The following LAMA4 variants were observed in gnomAD, a reference collection of about 807,000 sequenced individuals.
LAMA4 encodes laminin subunit alpha-4.
In LAMA4, 127 loss-of-function variants were observed where a neutral mutation model predicts 207.1. The ratio of observed to expected loss-of-function variants is 0.61; its 90% CI spans 0.53 to 0.71. The LOEUF (loss-of-function observed/expected upper bound fraction) is 0.71. LAMA4 is among the 30% of genes least tolerant of loss of function. The pLI, the probability that LAMA4 is intolerant of heterozygous loss-of-function variation, is 0.00. For synonymous variants in LAMA4, 761 were observed against 816.0 expected (o/e 0.93, Z 1.15); for missense variants, 2,093 against 2,246.5 (o/e 0.93, Z 1.38).
chr6:112,142,019 A>G, intron 20 of LAMA4, 100 bp downstream of exon 20: 1 of 1,144,760 alleles, frequency 8.7e-7, no homozygotes, highest in Non-Finnish European at 1.3e-6. Context: ...CAGAATGGGC[A>G]TTGTTTTGGT....
rs782231948 is a variant in LAMA4 at position 112,121,986 on chromosome 6, A to T, written c.4475+28T>A. ...GATGGAGCCCAGCCATGTCATTAGGAGTCTAGGAGTATAGTGTGTTACTTT... is the reference window on the plus strand; with the variant it reads ...GATGGAGCCCAGCCATGTCATTAGGTGTCTAGGAGTATAGTGTGTTACTTT... On this transcript the variant is annotated intron_variant, in intron 32 of 38. Coordinates refer to ENST00000230538, the MANE Select transcript of LAMA4 (RefSeq NM_001105206.3). 8 of 1,588,866 alleles carry T rather than the reference A, an allele frequency of 5.0e-6. No individual in the cohort carries two copies. In the Middle Eastern group the frequency reaches 8.3e-4, roughly 164 times the overall value.
chr6:112,175,028 A>C (rs1194139760), intron 11 of LAMA4, among the ~76,000 whole-genome samples: 3 of 152,314 alleles, frequency 2.0e-5, no homozygotes, highest in Non-Finnish European at 4.4e-5. Flanking sequence ...GGTTTCCTTT[A>C]GTCTTCCTTC....
intron 4 of LAMA4, among the ~76,000 whole-genome samples, chr6:112,202,259 C>T (rs1213255287): frequency 6.6e-6 from 1 of 152,174 alleles, no homozygotes; most frequent in Non-Finnish European, 1.5e-5. Context: ...ATGGAACCCT[C>T]TCTCTTTCTT....
At chr6:112,144,482 G>A in intron 19 of LAMA4, among the ~76,000 whole-genome samples, 1 of 152,180 alleles carries the variant, frequency 6.6e-6, no homozygotes, top group Admixed American at 6.5e-5. Context: ...TGCTATATTA[G>A]CTTTATTGAC....
intron 2 of LAMA4, among the ~76,000 whole-genome samples, chr6:112,227,129 T>C (rs1298413387): frequency 6.6e-6 from 1 of 151,946 alleles, no homozygotes; most frequent in Admixed American, 6.6e-5. Flanking sequence ...TGGAGTGCAG[T>C]GGCATGATCT....
At chr6:112,179,095 A>G (rs1283544535) in intron 9 of LAMA4, 1 of 152,164 alleles carries the variant, frequency 6.6e-6, no homozygotes. Flanking sequence ...TTGTGTACAA[A>G]TAACTGCTCA....
At chr6:112,253,926 A>T in intron 2 of LAMA4, 30 bp downstream of exon 2, 1 of 1,610,794 alleles carries the variant, frequency 6.2e-7, no homozygotes. Flanking sequence ...CAGGTGCCCC[A>T]GCAGGGTGGC....
chr6:112,117,610 T>C lies in LAMA4; in HGVS notation c.4981+129A>G. 1 of 862,994 alleles carries C rather than the reference T, an allele frequency of 1.2e-6. No individual in the cohort carries two copies. Among genetic ancestry groups the C allele is most frequent in the Non-Finnish European group, 1.9e-6 (1 of 520,444 alleles). The allele number at this position is 862,994 out of a possible 1,614,324, so 53.5% of individuals were successfully genotyped here. On this transcript the variant is annotated intron_variant, in intron 35 of 38. Transcript: ENST00000230538. The surrounding 1 kb of genome is among the most constrained non-coding windows in gnomAD (Gnocchi z 4.5). ...GCAGGAGGGAGAAAGGTGGTTCTTG[T>C]GGGAAGAGGTCATCTTCTAGGGCTG...
intron 26 of LAMA4, among the ~76,000 whole-genome samples, chr6:112,133,757 A>T (rs570853653): frequency 9.2e-5 from 14 of 152,354 alleles, no homozygotes; most frequent in African/African-American, 3.4e-4. Context: ...TCAGTGAAAT[A>T]GATGGAGATG....
At chr6:112,143,261 T>C (rs1184818820) in intron 19 of LAMA4, among the ~76,000 whole-genome samples, 1 of 151,956 alleles carries the variant, frequency 6.6e-6, no homozygotes, top group Non-Finnish European at 1.5e-5. Context: ...TGTCCTATGT[T>C]ATCAGTTGAG....
At chr6:112,208,083 AG>A (rs1328322069) in intron 3 of LAMA4, among the ~76,000 whole-genome samples, 1 of 152,232 alleles carries the variant, frequency 6.6e-6, no homozygotes, top group Non-Finnish European at 1.5e-5. Flanking sequence ...TAGTGGTACA[AG>A]GCAAAGCCAT....
intron 17 of LAMA4, among the ~76,000 whole-genome samples, chr6:112,148,837 T>C (rs782530108): frequency 3.3e-5 from 5 of 151,798 alleles, no homozygotes; most frequent in Non-Finnish European, 7.4e-5. Flanking sequence ...GGGATGGGAT[T>C]ATAGGTGATT....
Position 112,141,067 on chromosome 6 carries a change from AAG to A in LAMA4, c.2814-147_2814-146del. 3 of 750,926 alleles carry A rather than the reference AAG, an allele frequency of 4.0e-6. 1 individual carries two copies. The South Asian group carries it at 4.9e-5, about 12-fold the overall frequency. The allele number at this position is 750,926 out of a possible 1,614,324, so 46.5% of individuals were successfully genotyped here. On this transcript the variant is annotated intron_variant, in intron 21 of 38. Transcript: ENST00000230538. ...TTACAAAATACCACAATCAATGAGAAAGAGAAGAAAGACATTCCATTTTGAAG... is the reference window on the plus strand; with the variant it reads ...TTACAAAATACCACAATCAATGAGAAAGAAGAAAGACATTCCATTTTGAAG...
Position 112,120,366 on chromosome 6 carries a change from G to A in LAMA4, c.4582C>T (p.Arg1528Cys), listed in dbSNP as rs782444195. Residue 1528 changes from arginine (R) to cysteine (C), a missense_variant, in exon 33 of 39, where the codon CGC becomes TGC. Transcript: ENST00000230538. ...CCAACATTAAACATGTAAACCAAGC[G>A]GCCATGGGCCAAAAATAGAGTCATG... ...DFMTLFLAHG[R>C]LVYMFNVGHK... The A allele has an allele frequency of 2.4e-5, 38 of 1,613,920 alleles. No homozygotes were observed. The highest frequency in any genetic ancestry group is 1.7e-4 in the Middle Eastern group (1 of 6,058).
intron 24 of LAMA4, among the ~76,000 whole-genome samples, chr6:112,138,635 T>C (rs1200507266): frequency 3.3e-5 from 5 of 152,136 alleles, no homozygotes; most frequent in African/African-American, 1.2e-4. Flanking sequence ...TAATTTGTCC[T>C]TTATTACAAG....
intron 5 of LAMA4, among the ~76,000 whole-genome samples, chr6:112,194,567 C>T (rs578080276): frequency 2.0e-5 from 3 of 152,300 alleles, no homozygotes; most frequent in African/African-American, 7.2e-5. Flanking sequence ...TTATGATAGT[C>T]CCTGACAAAC....
Position 112,117,790 on chromosome 6 carries a change from G to T in LAMA4, c.4930C>A (p.Pro1644Thr). 1 of 1,613,782 alleles carries T rather than the reference G, an allele frequency of 6.2e-7. No homozygotes were observed. Among genetic ancestry groups the T allele is most frequent in the Non-Finnish European group, 8.5e-7 (1 of 1,179,792 alleles). The change falls in exon 35 of 39, where the codon CCC becomes ACC. Residue 1644 changes from proline (P) to threonine (T), a missense_variant. Pro to Thr is a conservative substitution (Grantham distance 38). Coordinates refer to ENST00000230538, the MANE Select transcript of LAMA4 (RefSeq NM_001105206.3). The surrounding 1 kb of genome is among the most constrained non-coding windows in gnomAD (Gnocchi z 4.5). ...TFSVTPCFEG[P>T]METGTYFSTE... ...GAAAAGTAAGTTCCTGTTTCCATGGGGCCTTCAAAGCAAGGGGTCACACTG... is the reference window on the plus strand; with the variant it reads ...GAAAAGTAAGTTCCTGTTTCCATGGTGCCTTCAAAGCAAGGGGTCACACTG...
At position 112,154,842 on chromosome 6, in the gene LAMA4, G is replaced by A; in HGVS notation, c.2056+9C>T. ...ATTAGAAAGGAGATAGGAAAGTGAA[G>A]ATATTTACTAGACTCTGCCTTTGCT... is the stretch of plus-strand genomic sequence containing the variant. On this transcript the variant is annotated intron_variant, in intron 16 of 38. Coordinates refer to ENST00000230538, the MANE Select transcript of LAMA4 (RefSeq NM_001105206.3). The A allele has an allele frequency of 6.5e-7, 1 of 1,538,120 alleles. No individual in the cohort carries two copies. Among genetic ancestry groups the A allele is most frequent in the Non-Finnish European group, 9.0e-7 (1 of 1,110,656 alleles).
At chr6:112,121,434 T>C (rs1314162505) in intron 32 of LAMA4, among the ~76,000 whole-genome samples, 4 of 152,266 alleles carry the variant, frequency 2.6e-5, no homozygotes, top group Non-Finnish European at 5.9e-5. Flanking sequence ...TCTTATTGAA[T>C]ACTTTGCCTC....
Sources: gnomAD v4.1 joint callset for allele counts (sites outside exome capture counted in the v4.1 genomes callset) on GRCh38, gnomAD v4.1.1 for gene constraint, Gnocchi (gnomAD v3.1) non-coding constraint, MANE v1.5 for transcripts, NCBI Gene and HGNC (gene_info 2026-07-23, HGNC 2026-07-21) for gene names.